Variants in SLC14A2 observed in about 807,000 individuals in gnomAD.
SLC14A2 encodes the protein urea transporter 2.
In SLC14A2, 91 loss-of-function variants were observed where a neutral mutation model predicts 104.6. The ratio of observed to expected loss-of-function variants is 0.87; its 90% CI spans 0.73 to 1.04. The LOEUF is 1.04. Among genes scored for constraint, SLC14A2 ranks in the 50% least tolerant of loss-of-function variants. The probability of loss-of-function intolerance (pLI) is 0.00; values close to 1 mark genes in which losing one functional copy is unlikely to be tolerated. For missense variants in SLC14A2, 1,189 were observed against 1,156.0 expected (o/e 1.03, Z -0.41); for synonymous variants, 476 against 466.4 (o/e 1.02, Z -0.27).
intron 1 of SLC14A2, among the ~76,000 whole-genome samples, chr18:45,442,887 T>C (rs565882436): frequency 6.6e-6 from 1 of 152,342 alleles, no homozygotes; most frequent in South Asian, 2.1e-4. Flanking sequence ...AACCATATTG[T>C]CTAGGTTGCC....
Position 45,637,810 on chromosome 18 carries a change from T to C in SLC14A2, c.843+628T>C, listed in dbSNP as rs1031354796. 2.0e-5 allele frequency among the ~76,000 whole-genome samples: 3 copies of C among 152,194 alleles called. No individual in the cohort carries two copies. The East Asian group carries it at 5.8e-4, about 29-fold the overall frequency. On this transcript the variant is annotated intron_variant, in intron 6 of 19. Coordinates refer to ENST00000255226, the MANE Select transcript of SLC14A2 (RefSeq NM_007163.4). ...GGCCTTCCTTTTCCTTTTTGTTTAA[T>C]CAGCTTATTGTTGCTATATAAGAAT...
chr18:45,184,204 T>A, the SLC14A2 span, among the ~76,000 whole-genome samples: 1 of 152,202 alleles, frequency 6.6e-6, no homozygotes. Flanking sequence ...TATCTTACTA[T>A]AGTCACACTG....
At chr18:45,287,123 C>G (rs1352595387) in intron 1 of SLC14A2, among the ~76,000 whole-genome samples, 1 of 152,152 alleles carries the variant, frequency 6.6e-6, no homozygotes, top group East Asian at 1.9e-4. Context: ...ACAGAAAGAC[C>G]TTTTCCTAAA....
upstream of SLC14A2, among the ~76,000 whole-genome samples, chr18:45,211,554 C>CT (rs1219233511): frequency 6.6e-6 from 1 of 152,096 alleles, no homozygotes; most frequent in Non-Finnish European, 1.5e-5. Context: ...TCTCTTCTTT[C>CT]TTCTTACCTT....
chr18:45,537,063 C>CT, intron 2 of SLC14A2, among the ~76,000 whole-genome samples: 2 of 137,818 alleles, frequency 1.5e-5, no homozygotes, highest in Admixed American at 7.3e-5. Context: ...CCCTCCCTCC[C>CT]TCCCTTCCTT....
At chr18:45,438,022 C>G (rs999681320) in intron 1 of SLC14A2, among the ~76,000 whole-genome samples, 1 of 152,076 alleles carries the variant, frequency 6.6e-6, no homozygotes, top group African/African-American at 2.4e-5. Flanking sequence ...ATTTATTAAG[C>G]CCTTACTATA....
chr18:45,363,042 C>A (rs1210680218), intron 1 of SLC14A2, among the ~76,000 whole-genome samples: 6 of 152,138 alleles, frequency 3.9e-5, no homozygotes, highest in Non-Finnish European at 8.8e-5. Context: ...TCTGCCCCTG[C>A]CTGCCCTTCC....
intron 1 of SLC14A2, among the ~76,000 whole-genome samples, chr18:45,249,840 T>C (rs1022061199): frequency 5.3e-5 from 8 of 152,096 alleles, no homozygotes; most frequent in African/African-American, 1.9e-4. Context: ...TCCTAGCTAC[T>C]AAGGAGGCTG....
At position 45,644,138 on chromosome 18, in the gene SLC14A2, T is replaced by C; in HGVS notation, c.1329T>C (p.Gly443=). 1 of 1,614,156 alleles carries C rather than the reference T, an allele frequency of 6.2e-7. No homozygotes were observed. Among genetic ancestry groups the C allele is most frequent in the Non-Finnish European group, 8.5e-7 (1 of 1,180,018 alleles). ...NRIYYLTVKS[G]EEEKAPSGGG... ...TCTACTACCTGACAGTGAAAAGCGG[T>C]GAAGAAGAGAAGGCCCCCAGCGGTG... The change falls in exon 10 of 20, where the codon GGT becomes GGC. Residue 443 remains glycine (G), a synonymous_variant. Transcript: ENST00000255226.
intron 1 of SLC14A2, among the ~76,000 whole-genome samples, chr18:45,450,433 A>G (rs1598836761): frequency 6.6e-6 from 1 of 152,202 alleles, no homozygotes; most frequent in South Asian, 2.1e-4. Flanking sequence ...CTTGAGAATT[A>G]TATACAGCTG....
intron 1 of SLC14A2, among the ~76,000 whole-genome samples, chr18:45,618,032 G>T (rs1381981865): frequency 6.6e-6 from 1 of 152,116 alleles, no homozygotes; most frequent in Non-Finnish European, 1.5e-5. Flanking sequence ...GGACAGAACT[G>T]GAAACAGCAA....
At chr18:45,415,094 G>A (rs1391090527) in intron 1 of SLC14A2, among the ~76,000 whole-genome samples, 1 of 151,952 alleles carries the variant, frequency 6.6e-6, no homozygotes, top group East Asian at 1.9e-4. Flanking sequence ...TTTATAAATT[G>A]TGTATATACT....
chr18:45,493,893 G>C (rs1236961851), intron 2 of SLC14A2, among the ~76,000 whole-genome samples: 1 of 152,154 alleles, frequency 6.6e-6, no homozygotes, highest in Admixed American at 6.5e-5. Context: ...GGTGAGATTT[G>C]ACTTGGCTCA....
At chr18:45,670,280 G>C (rs2046109391) in intron 16 of SLC14A2, among the ~76,000 whole-genome samples, 1 of 151,888 alleles carries the variant, frequency 6.6e-6, no homozygotes, top group Non-Finnish European at 1.5e-5. Context: ...TTTTTAATAA[G>C]TATTCTGTAT....
chr18:45,258,075 C>T (rs190190801), intron 1 of SLC14A2, among the ~76,000 whole-genome samples: 63 of 152,282 alleles, frequency 4.1e-4, no homozygotes, highest in Non-Finnish European at 7.2e-4. Context: ...CCTAGACCCC[C>T]GTTTCATTCT....
At chr18:45,227,337 G>C (rs1199870051) in intron 1 of SLC14A2, among the ~76,000 whole-genome samples, 1 of 152,230 alleles carries the variant, frequency 6.6e-6, no homozygotes, top group Non-Finnish European at 1.5e-5. Flanking sequence ...TTGCAAGAAT[G>C]ATGAGAGTAT....
chr18:45,611,475 G>C (rs1337656539), upstream of SLC14A2, among the ~76,000 whole-genome samples: 1 of 152,222 alleles, frequency 6.6e-6, no homozygotes, highest in East Asian at 1.9e-4. Context: ...CAAAAGGAAG[G>C]AGAAGGTCTA....
At position 45,682,416 on chromosome 18, in the gene SLC14A2, G is replaced by T; in HGVS notation, c.2660G>T (p.Ser887Ile). 1 of 1,614,120 alleles carries T rather than the reference G, an allele frequency of 6.2e-7. No individual in the cohort carries two copies. The highest frequency in any genetic ancestry group is 1.1e-5 in the South Asian group (1 of 91,080). ...CCCGCCATCTACAAGCTCCCGCTCA[G>T]CAAAGTCACCTACCCAGAGGCCAAC... ...NNPAIYKLPL[S>I]KVTYPEANRI... The change falls in exon 20 of 20, where the codon AGC becomes ATC. Residue 887 changes from serine to isoleucine, a missense_variant. By Grantham distance (142) the Ser-to-Ile change is moderately radical (BLOSUM62 -2). Coordinates refer to ENST00000255226, the MANE Select transcript of SLC14A2 (RefSeq NM_007163.4).
intron 1 of SLC14A2, among the ~76,000 whole-genome samples, chr18:45,420,006 A>C (rs1448415229): frequency 6.6e-6 from 1 of 152,206 alleles, no homozygotes; most frequent in African/African-American, 2.4e-5. Context: ...ATAGTCATTT[A>C]ATATTTCTCA....
Sources: gnomAD v4.1 joint callset for allele counts (sites outside exome capture counted in the v4.1 genomes callset) on GRCh38, gnomAD v4.1.1 for gene constraint, MANE v1.5 for transcripts, NCBI Gene and HGNC (gene_info 2026-07-23, HGNC 2026-07-21) for gene names.